Variants in UNC5C observed in about 807,000 individuals in gnomAD.
UNC5C encodes the protein unc-5 netrin receptor C.
In UNC5C, 47 loss-of-function variants were observed where a neutral mutation model predicts 99.8. The observed-to-expected ratio is 0.47, with a 90% CI of 0.37 to 0.60. UNC5C has a LOEUF of 0.60. UNC5C is among the 20% of genes least tolerant of loss of function. The pLI, the probability that UNC5C is intolerant of heterozygous loss-of-function variation, is 0.00. For synonymous variants in UNC5C, 487 were observed against 452.2 expected (o/e 1.08, Z -0.98); for missense variants, 1,062 against 1,165.9 (o/e 0.91, Z 1.30).
chr4:95,321,423 T>C (rs1742687284), intron 2 of UNC5C, among the ~76,000 whole-genome samples: 1 of 152,132 alleles, frequency 6.6e-6, no homozygotes, highest in Non-Finnish European at 1.5e-5. Flanking sequence ...TGAGCCCAAA[T>C]AAGTCAGCTA....
chr4:95,265,022 CT>C (rs1348005559), intron 4 of UNC5C, among the ~76,000 whole-genome samples: 1 of 152,174 alleles, frequency 6.6e-6, no homozygotes, highest in African/African-American at 2.4e-5. Flanking sequence ...CTGGGGAGCG[CT>C]TAAGCCATCC....
chr4:95,374,906 T>C (rs1051357203), intron 1 of UNC5C, among the ~76,000 whole-genome samples: 20 of 152,170 alleles, frequency 1.3e-4, no homozygotes, highest in Admixed American at 1.3e-3. Context: ...TTAAAAATGT[T>C]ATGGTTGCTA....
intron 2 of UNC5C, among the ~76,000 whole-genome samples, chr4:95,306,730 A>T (rs576451515): frequency 2.0e-5 from 3 of 152,246 alleles, no homozygotes; most frequent in African/African-American, 7.2e-5. Context: ...TTAAGATATC[A>T]TGTTGTGCAG....
chr4:95,245,185 T>G (rs1191064208), intron 5 of UNC5C, 41 bp from the exon 6 acceptor site: 6 of 1,585,094 alleles, frequency 3.8e-6, no homozygotes, highest in South Asian at 1.1e-5. Flanking sequence ...TAAACATGTG[T>G]GCATGCACAA....
chr4:95,488,697 A>G (rs1426365007), intron 1 of UNC5C, among the ~76,000 whole-genome samples: 1 of 151,770 alleles, frequency 6.6e-6, no homozygotes, highest in African/African-American at 2.4e-5. Context: ...TAACATTTCC[A>G]AAAGCTTTAT....
intron 7 of UNC5C, among the ~76,000 whole-genome samples, chr4:95,230,278 C>G (rs1738863809): frequency 6.6e-6 from 1 of 152,092 alleles, no homozygotes; most frequent in Non-Finnish European, 1.5e-5. Context: ...TGTTTGCCCA[C>G]TTTTTGATGG....
intron 3 of UNC5C, among the ~76,000 whole-genome samples, chr4:95,284,794 A>T (rs1741176419): frequency 6.6e-6 from 1 of 152,166 alleles, no homozygotes; most frequent in South Asian, 2.1e-4. Context: ...GCCTATCCAA[A>T]ACAGTGTGGA....
At chr4:95,502,811 A>G (rs1041576160) in intron 1 of UNC5C, among the ~76,000 whole-genome samples, 1 of 152,128 alleles carries the variant, frequency 6.6e-6, no homozygotes, top group African/African-American at 2.4e-5. Context: ...AGTTCAGGTT[A>G]TATTGAATAT....
rs1055027755 is a variant in UNC5C at position 95,364,295 on chromosome 4, T to C, written c.125-28664A>G. ...GAGATACTGAAAAGGAAACCTCTTT[T>C]TGATACACCAAAATGCTGCTAAAAT... is the stretch of plus-strand genomic sequence containing the variant. On this transcript the variant is annotated intron_variant, in intron 1 of 15. Transcript: ENST00000453304. Among the ~76,000 whole-genome samples the C allele has an allele frequency of 2.6e-5, 4 of 152,186 alleles. 1 individual carries two copies. Among genetic ancestry groups the C allele is most frequent in the Admixed American group, 2.0e-4 (3 of 15,260 alleles).
intron 4 of UNC5C, among the ~76,000 whole-genome samples, chr4:95,258,395 T>C (rs920964624): frequency 1.3e-5 from 2 of 151,854 alleles, no homozygotes; most frequent in Admixed American, 1.3e-4. Context: ...GAAAGTAGTC[T>C]TTCTGAGTTA....
intron 12 of UNC5C, among the ~76,000 whole-genome samples, chr4:95,195,519 C>A (rs529540967): frequency 6.6e-6 from 1 of 152,048 alleles, no homozygotes; most frequent in Admixed American, 6.6e-5. Context: ...TAGGATAATT[C>A]CAGGGAAGAT....
chr4:95,225,386 T>G (rs1372602295), intron 7 of UNC5C, among the ~76,000 whole-genome samples: 1 of 152,086 alleles, frequency 6.6e-6, no homozygotes, highest in African/African-American at 2.4e-5. Flanking sequence ...TTATTCTAAG[T>G]GAAATGCATA....
At chr4:95,267,796 C>T (rs1050234665) in intron 4 of UNC5C, among the ~76,000 whole-genome samples, 8 of 147,840 alleles carry the variant, frequency 5.4e-5, no homozygotes, top group Admixed American at 1.3e-4. Context: ...AATAACAATA[C>T]AAAAAAAAAA....
intron 1 of UNC5C, among the ~76,000 whole-genome samples, chr4:95,409,036 T>G (rs571903504): frequency 6.6e-6 from 1 of 152,202 alleles, no homozygotes; most frequent in Non-Finnish European, 1.5e-5. Flanking sequence ...CAAGTTAGTT[T>G]TTTTAAATAA....
chr4:95,451,407 C>T (rs1338232112), intron 1 of UNC5C, among the ~76,000 whole-genome samples: 1 of 152,188 alleles, frequency 6.6e-6, no homozygotes, highest in Admixed American at 6.5e-5. Flanking sequence ...TGAAAAACCT[C>T]ACCAAGTTTA....
intron 2 of UNC5C, among the ~76,000 whole-genome samples, chr4:95,311,098 G>C (rs1297616468): frequency 6.6e-6 from 1 of 151,942 alleles, no homozygotes; most frequent in East Asian, 1.9e-4. Flanking sequence ...AAATATTTCT[G>C]TTTTACATTT....
chr4:95,261,268 A>G (rs1560758182), intron 4 of UNC5C, among the ~76,000 whole-genome samples: 1 of 152,142 alleles, frequency 6.6e-6, no homozygotes, highest in Non-Finnish European at 1.5e-5. Context: ...GAAGCATTGG[A>G]CACACTTTCT....
intron 5 of UNC5C, chr4:95,248,522 G>T: frequency 2.2e-6 from 1 of 455,868 alleles, no homozygotes; most frequent in Non-Finnish European, 4.4e-6. Context: ...TTTCCTTCTG[G>T]TATAGGGAAG....
intron 1 of UNC5C, among the ~76,000 whole-genome samples, chr4:95,441,069 C>T (rs538522099): frequency 8.5e-5 from 13 of 152,110 alleles, no homozygotes; most frequent in Admixed American, 2.6e-4. Flanking sequence ...AGTCTATATA[C>T]TATTGGAATT....
Sources: allele counts gnomAD v4.1 joint callset (sites outside exome capture counted in the v4.1 genomes callset), GRCh38; gene constraint gnomAD v4.1.1; transcripts MANE v1.5; gene names NCBI Gene and HGNC (gene_info 2026-07-23, HGNC 2026-07-21).